The following CRACDL variants were observed in gnomAD, a reference collection of about 807,000 sequenced individuals.
The protein encoded by CRACDL is CRACD-like protein.
In CRACDL, 26 loss-of-function variants were observed where a neutral mutation model predicts 70.6. The observed-to-expected ratio is 0.37, with a 90% confidence interval of 0.27 to 0.51. CRACDL has a LOEUF of 0.51. CRACDL is among the 20% of genes least tolerant of loss of function. The probability of loss-of-function intolerance (pLI) is 0.94; values close to 1 mark genes in which losing one functional copy is unlikely to be tolerated. For synonymous variants in CRACDL, 618 were observed against 615.2 expected (o/e 1.00, Z -0.07); for missense variants, 1,283 against 1,376.9 (o/e 0.93, Z 1.08).
chr2:98,825,679 C>CGGTG (rs1705272884), intron 6 of CRACDL, among the ~76,000 whole-genome samples: 1 of 152,228 alleles, frequency 6.6e-6, no homozygotes, highest in Admixed American at 6.5e-5. Context: ...CCTTGTCACA[C>CGGTG]TGACACAGCA....
rs1046963111 is a variant in CRACDL, at chr2:98,837,992, T to C, written c.239+127A>G. 8 of 749,076 alleles carry C rather than the reference T, an allele frequency of 1.1e-5. No homozygotes were observed. The Admixed American group carries it at 1.7e-4, about 16-fold the overall frequency. 46.4% of individuals were successfully genotyped at this position (749,076 alleles called of 1,614,324 possible). On this transcript the variant is annotated intron_variant, in intron 3 of 9. Transcript: ENST00000397899. ...GGTTTGAAAAGACAGAAAACACAAC[T>C]TCTATGGAAGAACCTCTAATGGAAT... is the stretch of plus-strand genomic sequence containing the variant.
At chr2:98,862,755 T>A (rs992308357) in intron 1 of CRACDL, among the ~76,000 whole-genome samples, 1 of 151,680 alleles carries the variant, frequency 6.6e-6, no homozygotes, top group African/African-American at 2.4e-5. Context: ...AAAAAAAGAT[T>A]TGAAGAAAAG....
intron 1 of CRACDL, among the ~76,000 whole-genome samples, chr2:98,849,277 C>T (rs1314943989): frequency 6.6e-6 from 1 of 152,216 alleles, no homozygotes; most frequent in East Asian, 1.9e-4. Flanking sequence ...TGTGATGTGT[C>T]AGCTAACTGG....
At chr2:98,935,208 T>C (rs1709176855) in intron 1 of CRACDL, among the ~76,000 whole-genome samples, 1 of 152,146 alleles carries the variant, frequency 6.6e-6, no homozygotes, top group Admixed American at 6.5e-5. Context: ...CACAGCTGCC[T>C]GTCTTCCACT....
At chr2:98,855,689 G>C (rs1706672230) in intron 1 of CRACDL, among the ~76,000 whole-genome samples, 1 of 152,142 alleles carries the variant, frequency 6.6e-6, no homozygotes, top group African/African-American at 2.4e-5. Context: ...CTTCAAAGCA[G>C]CTATTATAGA....
chr2:98,912,558 T>C (rs1229886230), intron 1 of CRACDL, among the ~76,000 whole-genome samples: 1 of 152,240 alleles, frequency 6.6e-6, no homozygotes, highest in Non-Finnish European at 1.5e-5. Context: ...CACAGCAGGC[T>C]TTCCCTGAAT....
chr2:98,850,408 G>A (rs368464976), intron 1 of CRACDL, among the ~76,000 whole-genome samples: 3 of 152,206 alleles, frequency 2.0e-5, no homozygotes, highest in South Asian at 4.1e-4. Flanking sequence ...TCCCCAAGCC[G>A]CAGTAAAGTT....
chr2:98,804,632 C>T (rs796222692), intron 7 of CRACDL, among the ~76,000 whole-genome samples: 8 of 152,286 alleles, frequency 5.3e-5, no homozygotes, highest in African/African-American at 1.7e-4. Context: ...TGCTGATGTG[C>T]TGTCTAATGT....
chr2:98,889,323 GAAA>G (rs1558624621), intron 1 of CRACDL, among the ~76,000 whole-genome samples: 29 of 89,400 alleles, frequency 3.2e-4, no homozygotes, highest in Non-Finnish European at 2.7e-4. Flanking sequence ...AAGAAAGAAA[GAAA>G]GAAAGAAAGA....
intron 1 of CRACDL, among the ~76,000 whole-genome samples, chr2:98,889,283 GAGAGAAAGAAAGAAAGAA>G (rs1707890429): frequency 7.7e-6 from 1 of 129,768 alleles, no homozygotes; most frequent in African/African-American, 3.0e-5. Context: ...CAGAAAAAGA[GAGAGAAAGAAAGAAAGAA>G]AGAAAGAAAG....
At chr2:98,834,954 G>T (rs72811067) in intron 3 of CRACDL, among the ~76,000 whole-genome samples, 6,380 of 152,158 alleles carry the variant, frequency 0.042, 150 homozygotes, top group Middle Eastern at 0.071. Flanking sequence ...ATATGAAATT[G>T]CACTCTGTAG....
chr2:98,809,391 G>A (rs979436959), intron 7 of CRACDL, among the ~76,000 whole-genome samples: 1 of 152,000 alleles, frequency 6.6e-6, no homozygotes, highest in Non-Finnish European at 1.5e-5. Context: ...GGGGCTCTGG[G>A]AGCACAAGTG....
chr2:98,903,507 T>C (rs1272331779), intron 1 of CRACDL, among the ~76,000 whole-genome samples: 2 of 152,190 alleles, frequency 1.3e-5, no homozygotes, highest in African/African-American at 4.8e-5. Flanking sequence ...CAGTGAGGCA[T>C]AAGAGCGGAC....
In CRACDL at chr2:98,796,184, C is replaced by A; in HGVS notation, c.2685G>T (p.Gln895His). Residue 895 changes from glutamine to histidine, a missense_variant, in exon 9 of 10, where the codon CAG (glutamine) becomes CAT (histidine). Coordinates refer to ENST00000397899, the MANE Select transcript of CRACDL (RefSeq NM_207362.3). ...CCTCCTTGAAGTTGAGCTTTGCCCC[C>A]TGCTTCCGGTCCACAGCGGGCTTCA... is the stretch of plus-strand genomic sequence containing the variant. ...TPVKPAVDRK[Q>H]GAKLNFKEGL... 1.9e-6 allele frequency: 3 copies of A among 1,614,234 alleles called. No individual in the cohort carries two copies. The highest frequency in any genetic ancestry group is 2.5e-6 in the Non-Finnish European group (3 of 1,180,010).
chr2:98,862,193 A>C (rs73962501), intron 1 of CRACDL, among the ~76,000 whole-genome samples: 476 of 152,338 alleles, frequency 3.1e-3, no homozygotes, highest in African/African-American at 0.011. Context: ...CAGTCTCAGG[A>C]AAGATCTGGG....
At chr2:98,919,601 T>C (rs778999784) in intron 1 of CRACDL, among the ~76,000 whole-genome samples, 9 of 152,226 alleles carry the variant, frequency 5.9e-5, no homozygotes, top group Non-Finnish European at 1.3e-4. Context: ...ATGGAATATA[T>C]TTGGGGGTTT....
At chr2:98,812,821 T>C (rs1704630808) in intron 7 of CRACDL, among the ~76,000 whole-genome samples, 1 of 152,198 alleles carries the variant, frequency 6.6e-6, no homozygotes, top group South Asian at 2.1e-4. Flanking sequence ...GTTTGTCTTT[T>C]CAGGCTCTTA....
intron 1 of CRACDL, among the ~76,000 whole-genome samples, chr2:98,896,189 C>T (rs1708119318): frequency 6.6e-6 from 1 of 151,974 alleles, no homozygotes; most frequent in Admixed American, 6.6e-5. Flanking sequence ...TGAAGCAAGG[C>T]CAGGAAGTGA....
At chr2:98,924,740 G>A (rs1464196632) in intron 1 of CRACDL, among the ~76,000 whole-genome samples, 3 of 152,108 alleles carry the variant, frequency 2.0e-5, no homozygotes, top group Non-Finnish European at 2.9e-5. Context: ...CCATGACCTA[G>A]GGGCCCTGTC....
Sources: gnomAD v4.1 joint callset for allele counts (sites outside exome capture counted in the v4.1 genomes callset) on GRCh38, gnomAD v4.1.1 for gene constraint, MANE v1.5 for transcripts, NCBI Gene and HGNC (gene_info 2026-07-23, HGNC 2026-07-21) for gene names.